Variants in LRMDA observed in about 807,000 individuals in gnomAD.
LRMDA encodes the protein leucine-rich melanocyte differentiation-associated protein.
LRMDA carries 18 observed loss-of-function variants against 29.8 expected under a neutral mutation model. That is an observed-to-expected ratio of 0.60 (90% CI 0.42 to 0.90). The LOEUF (loss-of-function observed/expected upper bound fraction) is 0.90, where lower values mean the gene tolerates loss of function less well. LRMDA is among the 40% of genes least tolerant of loss of function. The pLI, the probability that LRMDA is intolerant of heterozygous loss-of-function variation, is 0.00. For synonymous variants in LRMDA, 125 were observed against 109.4 expected (o/e 1.14, Z -0.89); for missense variants, 273 against 273.9 (o/e 1.00, Z 0.02).
chr10:75,682,177 C>A (rs1842030427), intron 2 of LRMDA, among the ~76,000 whole-genome samples: 1 of 152,150 alleles, frequency 6.6e-6, no homozygotes, highest in Admixed American at 6.5e-5. Context: ...AGTAAACATT[C>A]CACGCAGCAG....
intron 6 of LRMDA, among the ~76,000 whole-genome samples, chr10:76,431,747 C>A (rs141343804): frequency 0.017 from 2,648 of 152,224 alleles, 53 homozygotes; most frequent in Non-Finnish European, 0.026. Context: ...GTGTCCCCAC[C>A]TAATTCTCAA....
rs1846043954 is a variant in LRMDA, at chr10:75,922,543, C to T, written c.132-113465C>T. Among the ~76,000 whole-genome samples, 3 of 152,168 alleles carry T rather than the reference C, an allele frequency of 2.0e-5. No homozygotes were observed. The South Asian group carries it at 6.2e-4, about 32-fold the overall frequency. ...TGTGTGGTTCATCATGAATCCTGGC[C>T]TAGCTTCTCCTCCTTACCTTATGCT... On this transcript the variant is annotated intron_variant, in intron 2 of 6. Transcript: ENST00000611255.
intron 6 of LRMDA, among the ~76,000 whole-genome samples, chr10:76,419,126 C>G (rs2172077): frequency 0.11 from 17,108 of 152,076 alleles, 1,282 homozygotes; most frequent in African/African-American, 0.19. Context: ...AGGGTTCACT[C>G]TTAGTGGTGT....
rs187699590 is a variant in LRMDA, at chr10:76,290,797, C to T, written c.517-33604C>T. The stretch of plus-strand genomic sequence containing the variant: ...CTGTCTTACTTCTTATAAGGAGGTG[C>T]TATACCTTCAAGGTGGAGACATACC... On this transcript the variant is annotated intron_variant, in intron 5 of 6. Coordinates refer to ENST00000611255, the MANE Select transcript of LRMDA (RefSeq NM_001305581.2). 1.8e-3 allele frequency among the ~76,000 whole-genome samples: 276 copies of T among 152,198 alleles called. 2 individuals carry two copies. The highest frequency in any genetic ancestry group is 5.9e-3 in the African/African-American group (247 of 41,526).
chr10:75,759,476 A>G lies in LRMDA; in HGVS notation c.132-276532A>G, dbSNP rs115391743. On this transcript the variant is annotated intron_variant, in intron 2 of 6. Coordinates refer to ENST00000611255, the MANE Select transcript of LRMDA (RefSeq NM_001305581.2). ...AGGAACAATAAGATTTAAGAGAAGAATTAATTTAGAAAGTTAGGAATAGAA... is the reference window on the plus strand; with the variant it reads ...AGGAACAATAAGATTTAAGAGAAGAGTTAATTTAGAAAGTTAGGAATAGAA... Among the ~76,000 whole-genome samples the G allele has an allele frequency of 5.0e-3, 756 of 152,292 alleles. 10 individuals are homozygous for G. Among genetic ancestry groups the G allele is most frequent in the African/African-American group, 0.018 (728 of 41,560 alleles).
At chr10:76,108,499 T>G (rs1425864035) in intron 5 of LRMDA, among the ~76,000 whole-genome samples, 1 of 152,160 alleles carries the variant, frequency 6.6e-6, no homozygotes, top group Non-Finnish European at 1.5e-5. Flanking sequence ...TGTGTGTATA[T>G]ACGTGCAAAG....
intron 5 of LRMDA, among the ~76,000 whole-genome samples, chr10:76,297,389 G>A (rs188208294): frequency 6.6e-6 from 1 of 152,304 alleles, no homozygotes; most frequent in East Asian, 1.9e-4. Context: ...GGAATTTGTA[G>A]TAAAGGCCTA....
intron 5 of LRMDA, among the ~76,000 whole-genome samples, chr10:76,309,135 G>A (rs1343653154): frequency 6.6e-6 from 1 of 152,172 alleles, no homozygotes; most frequent in Non-Finnish European, 1.5e-5. Flanking sequence ...GGATCATTGG[G>A]TAAACCAAAA....
intron 2 of LRMDA, among the ~76,000 whole-genome samples, chr10:75,908,980 A>G (rs1845801561): frequency 6.6e-6 from 1 of 152,206 alleles, no homozygotes; most frequent in African/African-American, 2.4e-5. Flanking sequence ...GGATTTATCT[A>G]TCACAGCATC....
chr10:76,514,212 C>A (rs1437848792), intron 6 of LRMDA, among the ~76,000 whole-genome samples: 1 of 152,180 alleles, frequency 6.6e-6, no homozygotes, highest in Non-Finnish European at 1.5e-5. Context: ...TAGGACTCAG[C>A]AAATGCAGCT....
At chr10:76,439,615 A>C (rs144805150) in intron 6 of LRMDA, among the ~76,000 whole-genome samples, 1 of 152,330 alleles carries the variant, frequency 6.6e-6, no homozygotes, top group Non-Finnish European at 1.5e-5. Context: ...CACAGGACCA[A>C]GCTGGCTGAG....
At chr10:76,365,086 A>AT (rs1841374924) in intron 6 of LRMDA, among the ~76,000 whole-genome samples, 1 of 14,854 alleles carries the variant, frequency 6.7e-5, no homozygotes, top group Admixed American at 3.2e-4. Flanking sequence ...ACACACACAC[A>AT]TATATATATA....
intron 2 of LRMDA, among the ~76,000 whole-genome samples, chr10:75,825,413 G>A (rs149599597): frequency 4.1e-4 from 63 of 152,254 alleles, no homozygotes; most frequent in African/African-American, 1.4e-3. Context: ...ATAGTAAACA[G>A]GGCTTCACAC....
rs145704035 is a variant in LRMDA, at chr10:76,314,850, T to C, written c.517-9551T>C. 5.0e-4 allele frequency among the ~76,000 whole-genome samples: 76 copies of C among 152,338 alleles called. 1 individual carries two copies. Among genetic ancestry groups the C allele is most frequent in the Non-Finnish European group, 1.0e-3 (68 of 68,030 alleles). ...GATCTGAAACACTAATTTGTCTACA[T>C]CGCACAGCTAATTCTTTCATGTATT... On this transcript the variant is annotated intron_variant, in intron 5 of 6. Coordinates refer to ENST00000611255, the MANE Select transcript of LRMDA (RefSeq NM_001305581.2).
At chr10:76,136,085 G>T (rs1208315833) in intron 5 of LRMDA, among the ~76,000 whole-genome samples, 1 of 152,132 alleles carries the variant, frequency 6.6e-6, no homozygotes, top group Admixed American at 6.5e-5. Flanking sequence ...ATAAATATTT[G>T]TTAAATTAAT....
At chr10:76,208,423 G>T (rs1216458306) in intron 5 of LRMDA, among the ~76,000 whole-genome samples, 5 of 152,090 alleles carry the variant, frequency 3.3e-5, no homozygotes, top group Admixed American at 3.3e-4. Flanking sequence ...TGAGTATTTT[G>T]GGATAAAAAC....
intron 2 of LRMDA, among the ~76,000 whole-genome samples, chr10:75,684,139 G>C (rs888383142): frequency 7.2e-5 from 11 of 152,174 alleles, no homozygotes; most frequent in African/African-American, 2.7e-4. Context: ...ACATAAATTA[G>C]AAAGCAGTGT....
chr10:75,572,920 A>C (rs1253848053), intron 2 of LRMDA, among the ~76,000 whole-genome samples: 1 of 152,206 alleles, frequency 6.6e-6, no homozygotes, highest in Non-Finnish European at 1.5e-5. Flanking sequence ...AGGCCATGTG[A>C]GGACACAGCA....
chr10:75,806,398 T>G (rs565191011), intron 2 of LRMDA, among the ~76,000 whole-genome samples: 2 of 152,234 alleles, frequency 1.3e-5, no homozygotes, highest in Non-Finnish European at 2.9e-5. Context: ...TTTATTTATC[T>G]GGACTAGTTC....
Sources: gnomAD v4.1 joint callset for allele counts (sites outside exome capture counted in the v4.1 genomes callset) on GRCh38, gnomAD v4.1.1 for gene constraint, MANE v1.5 for transcripts, NCBI Gene and HGNC (gene_info 2026-07-23, HGNC 2026-07-21) for gene names.